The following MRPL37 variants were observed in gnomAD, a reference collection of about 807,000 sequenced individuals.
MRPL37 encodes the protein mitochondrial ribosomal protein L37, also known as large ribosomal subunit protein mL37.
In MRPL37, 34 loss-of-function variants were observed where a neutral mutation model predicts 44.1. The observed-to-expected ratio is 0.77, with a 90% CI of 0.59 to 1.03. The LOEUF is 1.03. MRPL37 is among the 50% of genes least tolerant of loss of function. The pLI is 0.00. For missense variants in MRPL37, 532 were observed against 543.7 expected (o/e 0.98, Z 0.21); for synonymous variants, 212 against 219.5 (o/e 0.97, Z 0.30).
In MRPL37 at chr1:54,205,150, A is replaced by G. The variant is rs1282628160; in HGVS notation, c.479A>G (p.His160Arg). 1 of 1,614,046 alleles carries G rather than the reference A, an allele frequency of 6.2e-7. No homozygotes were observed. Among genetic ancestry groups the G allele is most frequent in the Non-Finnish European group, 8.5e-7 (1 of 1,180,032 alleles). The change falls in exon 2 of 7, where the codon CAC becomes CGC. Residue 160 changes from histidine (H) to arginine (R), a missense_variant. Physicochemically the swap from His to Arg is conservative, Grantham distance 29. Coordinates refer to ENST00000360840, the MANE Select transcript of MRPL37 (RefSeq NM_016491.4). ...GAGTGCGTTCTGAATGTGATCTCTC[A>G]CGCCCGTCTCTGGCAGACCACTGAG... The part of the protein sequence containing the change: ...QDECVLNVIS[H>R]ARLWQTTEEI...
At chr1:54,210,977 A>G (rs929873670) in intron 4 of MRPL37, among the ~76,000 whole-genome samples, 3 of 151,950 alleles carry the variant, frequency 2.0e-5, no homozygotes, top group African/African-American at 7.3e-5. Flanking sequence ...CCCCATCCCC[A>G]GCCTCATCTT....
chr1:54,217,341 C>G (rs1410896), intron 6 of MRPL37, among the ~76,000 whole-genome samples: 23,422 of 152,214 alleles, frequency 0.15, 2,269 homozygotes, highest in East Asian at 0.47. Flanking sequence ...GTCACACCAG[C>G]CACCTCCGTG....
chr1:54,225,134 A>T (rs1467665256), downstream of MRPL37: 3 of 1,234,240 alleles, frequency 2.4e-6, no homozygotes, highest in Non-Finnish European at 3.0e-6. Flanking sequence ...GAAAAATAAA[A>T]GACATTCCAG....
downstream of MRPL37, among the ~76,000 whole-genome samples, chr1:54,223,673 G>C (rs375695400): frequency 2.5e-4 from 38 of 152,316 alleles, no homozygotes; most frequent in East Asian, 4.2e-3. Context: ...CCGACCCCTA[G>C]AATCAAGTGC....
chr1:54,204,259 T>A (rs1006776512), intron 1 of MRPL37, among the ~76,000 whole-genome samples: 2 of 152,072 alleles, frequency 1.3e-5, no homozygotes, highest in Non-Finnish European at 2.9e-5. Context: ...GGTTTATGCT[T>A]GTAATCCAGC....
At chr1:54,218,495 TC>T, downstream of MRPL37, 1 of 905,848 alleles carries the variant, frequency 1.1e-6, no homozygotes, top group South Asian at 2.2e-5. Context: ...CATGTTGTGA[TC>T]TTAGATAAGG....
intron 3 of MRPL37, chr1:54,207,261 T>C (rs1419395998): frequency 2.0e-5 from 3 of 152,232 alleles, no homozygotes; most frequent in African/African-American, 7.2e-5. Flanking sequence ...TGGGACCATA[T>C]CTTACTCACA....
intron 1 of MRPL37, among the ~76,000 whole-genome samples, chr1:54,201,212 C>T (rs1172897518): frequency 6.6e-6 from 1 of 152,056 alleles, no homozygotes; most frequent in East Asian, 1.9e-4. Context: ...AGGGATGGGG[C>T]AGGTCTTGAA....
chr1:54,220,677 G>A (rs1480001390), downstream of MRPL37: 2 of 471,632 alleles, frequency 4.2e-6, no homozygotes, highest in Non-Finnish European at 8.8e-6. Context: ...ATTCAACGCA[G>A]GAGAGGAAGT....
At chr1:54,221,390 CTT>C (rs1384570865), downstream of MRPL37, among the ~76,000 whole-genome samples, 2 of 152,154 alleles carry the variant, frequency 1.3e-5, no homozygotes, top group Non-Finnish European at 2.9e-5. Context: ...TTGACTCTCT[CTT>C]TAACATGGAC....
rs1318386206 is a variant in MRPL37 at position 54,207,530 on chromosome 1, T to C, written c.646+2120T>C. The C allele has an allele frequency of 3.3e-5, 5 of 152,254 alleles. No individual in the cohort carries two copies. The East Asian group carries it at 9.7e-4, about 29-fold the overall frequency. 9.4% of individuals were successfully genotyped at this position (152,254 alleles called of 1,614,324 possible). A position where few individuals can be genotyped will look rare whatever the true frequency, so the allele number is the denominator to read the frequency against. ...GTAATGACACCACTAAGGAAATTAG[T>C]GAACCTCATTAATAGAGGAGTACTT... On this transcript the variant is annotated intron_variant, in intron 3 of 6. Coordinates refer to ENST00000360840, the MANE Select transcript of MRPL37 (RefSeq NM_016491.4).
intron 6 of MRPL37, among the ~76,000 whole-genome samples, chr1:54,217,196 T>C (rs1644204127): frequency 6.6e-6 from 1 of 152,214 alleles, no homozygotes; most frequent in Non-Finnish European, 1.5e-5. Context: ...ATGGAGTCGC[T>C]GAGCCTTTGA....
chr1:54,219,683 C>A (rs968010663), downstream of MRPL37, among the ~76,000 whole-genome samples: 1 of 152,218 alleles, frequency 6.6e-6, no homozygotes, highest in African/African-American at 2.4e-5. Flanking sequence ...TAAGTCGACC[C>A]ACCCAAGGTG....
intron 1 of MRPL37, among the ~76,000 whole-genome samples, chr1:54,201,250 A>G (rs1042406424): frequency 3.9e-5 from 6 of 152,226 alleles, no homozygotes; most frequent in Non-Finnish European, 5.9e-5. Context: ...AAGTGGAAAC[A>G]GTATTTTCCA....
chr1:54,224,475 A>G (rs1644260648), downstream of MRPL37, among the ~76,000 whole-genome samples: 1 of 152,204 alleles, frequency 6.6e-6, no homozygotes, highest in Non-Finnish European at 1.5e-5. Flanking sequence ...CCAACCCGCC[A>G]TCCCCCATTT....
chr1:54,223,417 T>C (rs1644249569), downstream of MRPL37, among the ~76,000 whole-genome samples: 1 of 152,222 alleles, frequency 6.6e-6, no homozygotes, highest in Admixed American at 6.5e-5. Flanking sequence ...CACCACTTCA[T>C]GGGACAGCCG....
intron 5 of MRPL37, 66 bp downstream of exon 5, chr1:54,212,724 G>A: frequency 6.3e-7 from 1 of 1,592,688 alleles, no homozygotes; most frequent in South Asian, 1.1e-5. Flanking sequence ...TAAGGTTACT[G>A]CTCAGAGGAA....
downstream of MRPL37, among the ~76,000 whole-genome samples, chr1:54,219,488 G>C (rs1319162091): frequency 1.3e-5 from 2 of 152,236 alleles, no homozygotes; most frequent in South Asian, 2.1e-4. Context: ...AAGTGGGGAG[G>C]CCGGAGGCTT....
downstream of MRPL37, among the ~76,000 whole-genome samples, chr1:54,221,223 G>A (rs1644231405): frequency 6.6e-6 from 1 of 150,858 alleles, no homozygotes; most frequent in African/African-American, 2.4e-5. Context: ...CTCTCCCAAA[G>A]CTGGCTCAGG....
Sources: gnomAD v4.1 joint callset for allele counts (sites outside exome capture counted in the v4.1 genomes callset) on GRCh38, gnomAD v4.1.1 for gene constraint, MANE v1.5 for transcripts, NCBI Gene and HGNC (gene_info 2026-07-23, HGNC 2026-07-21) for gene names.